HPS5: variants seen among roughly 807,000 people sequenced by gnomAD.
HPS5 encodes HPS5 biogenesis of lysosomal organelles complex 2 subunit 2.
A neutral mutation model predicts 128.0 loss-of-function variants in HPS5; 83 were observed. That is an observed-to-expected ratio of 0.65 (90% CI 0.54 to 0.78). HPS5 has a LOEUF of 0.78. HPS5 is among the 30% of genes least tolerant of loss of function. The pLI is 0.00. For missense variants in HPS5, 1,281 were observed against 1,326.2 expected, an observed-to-expected ratio of 0.97 and a Z score of 0.53; for synonymous variants, 475 against 470.2, an observed-to-expected ratio of 1.01 and a Z score of -0.13.
In HPS5 at chr11:18,322,079, C is replaced by G. The variant is rs1035039317; in HGVS notation, c.-183G>C. 6.6e-6 allele frequency: 1 copy of G among 152,484 alleles called. No homozygotes were observed. 9.4% of individuals were successfully genotyped at this position (152,484 alleles called of 1,614,324 possible). A position where few individuals can be genotyped will look rare whatever the true frequency, so the allele number is the denominator to read the frequency against. On this transcript the variant is annotated 5_prime_UTR_variant, in exon 1 of 23. Coordinates refer to ENST00000349215, the MANE Select transcript of HPS5 (RefSeq NM_181507.2). The stretch of plus-strand genomic sequence containing the variant: ...CTCCACCACATCCAGGGCAGTACCT[C>G]GCAGCTCTCAGTAGATCGGATCTTG...
intron 21 of HPS5, among the ~76,000 whole-genome samples, chr11:18,283,053 G>C (rs541672578): frequency 1.1e-3 from 172 of 152,278 alleles, no homozygotes; most frequent in Non-Finnish European, 1.9e-3. Flanking sequence ...CCAAGCTGGA[G>C]TGCAGTGGTG....
intron 15 of HPS5, 26 bp downstream of exon 15, chr11:18,292,873 C>CTA: frequency 6.4e-7 from 1 of 1,556,546 alleles, no homozygotes; most frequent in Non-Finnish European, 8.9e-7. Context: ...TGAGACGTCA[C>CTA]TATAAAAGTT....
At position 18,298,881 on chromosome 11, in the gene HPS5, G is replaced by C. The variant is rs143073506; in HGVS notation, c.1075C>G (p.Arg359Gly). 7 of 1,614,010 alleles carry C rather than the reference G, an allele frequency of 4.3e-6. No individual in the cohort carries two copies. Among genetic ancestry groups the C allele is most frequent in the South Asian group, 2.2e-5 (2 of 91,082 alleles). ...CTTCTTAGCAGGCGTTCCACACAGCGCTCCACAGATATCAGGGAGAGATGT... is the reference window on the plus strand; with the variant it reads ...CTTCTTAGCAGGCGTTCCACACAGCCCTCCACAGATATCAGGGAGAGATGT... ...VSHLSLISVERCVERLLRRGL... is the reference protein window; with the variant it reads ...VSHLSLISVEGCVERLLRRGL... Residue 359 changes from arginine to glycine, a missense_variant, in exon 10 of 23, where the codon CGC becomes GGC. Physicochemically the swap from Arg to Gly is moderately radical, Grantham distance 125. Coordinates refer to ENST00000349215, the MANE Select transcript of HPS5 (RefSeq NM_181507.2).
intron 11 of HPS5, 89 bp downstream of exon 11, chr11:18,297,470 A>C: frequency 1.7e-5 from 21 of 1,203,512 alleles, no homozygotes; most frequent in Non-Finnish European, 2.4e-5. Context: ...GGAAAGGACA[A>C]CAAATTTGGG....
intron 7 of HPS5, 44 bp downstream of exon 7, chr11:18,306,091 T>C (rs1471763038): frequency 1.5e-6 from 2 of 1,305,516 alleles, no homozygotes; most frequent in Non-Finnish European, 2.2e-6. Context: ...AACCTCTATA[T>C]AGAAGCTCTT....
Position 18,291,992 on chromosome 11 carries a change from T to G in HPS5, c.1890A>C (p.Leu630Phe). Reference sequence around the variant, plus strand: ...CCATTCTCAGAGACTCGGATTCAAATAAAACCAGAGGGTCCTGTAGCTTGG... The same window carrying G: ...CCATTCTCAGAGACTCGGATTCAAAGAAAACCAGAGGGTCCTGTAGCTTGG... The part of the protein sequence containing the change: ...AMTKLQDPLV[L>F]FESESLRMVL... The change falls in exon 16 of 23, where the codon TTA becomes TTC. Residue 630 changes from leucine to phenylalanine, a missense_variant. By Grantham distance (22) the Leu-to-Phe change is conservative. Coordinates refer to ENST00000349215, the MANE Select transcript of HPS5 (RefSeq NM_181507.2). The G allele has an allele frequency of 6.2e-7, 1 of 1,613,834 alleles. No individual in the cohort carries two copies. The highest frequency in any genetic ancestry group is 2.2e-5 in the East Asian group (1 of 44,866).
Position 18,297,869 on chromosome 11 carries a change from C to T in HPS5, c.1165-152G>A, listed in dbSNP as rs1861261893. 4 of 702,762 alleles carry T rather than the reference C, an allele frequency of 5.7e-6. No homozygotes were observed. In the Admixed American group the frequency reaches 9.0e-5, roughly 16 times the overall value. 43.5% of individuals were successfully genotyped at this position (702,762 alleles called of 1,614,324 possible). On this transcript the variant is annotated intron_variant, in intron 10 of 22. Transcript: ENST00000349215. ...CCGAGGCGGGCAGATCCCCCGAGGT[C>T]AGGAGTTCAAGACAAGCCTGGCCAA...
At chr11:18,313,833 G>C (rs1367513022) in intron 2 of HPS5, among the ~76,000 whole-genome samples, 1 of 149,630 alleles carries the variant, frequency 6.7e-6, no homozygotes, top group African/African-American at 2.4e-5. Flanking sequence ...AGAATCACTT[G>C]AACCCAGGAA....
rs73430865 is a variant in HPS5 at position 18,294,873 on chromosome 11, T to C, written c.1784+147A>G. On this transcript the variant is annotated intron_variant, in intron 14 of 22. Coordinates refer to ENST00000349215, the MANE Select transcript of HPS5 (RefSeq NM_181507.2). ...AAAAAACTCATGTTTTCAGAAACTT[T>C]ACAAATTTGTGTTGGGCCACGTTCA... 92,286 of 762,242 alleles carry C rather than the reference T, an allele frequency of 0.12. 6,279 individuals carry two copies. Among genetic ancestry groups the C allele is most frequent in the African/African-American group, 0.19 (10,755 of 57,014 alleles). 47.2% of individuals were successfully genotyped at this position (762,242 alleles called of 1,614,324 possible).
intron 1 of HPS5, among the ~76,000 whole-genome samples, chr11:18,321,201 G>A (rs1864279124): frequency 6.6e-6 from 1 of 152,148 alleles, no homozygotes; most frequent in South Asian, 2.1e-4. Flanking sequence ...TCTATTTCTT[G>A]AAAATCTGTT....
At chr11:18,283,048 C>A (rs1859216805) in intron 21 of HPS5, among the ~76,000 whole-genome samples, 1 of 152,182 alleles carries the variant, frequency 6.6e-6, no homozygotes, top group Non-Finnish European at 1.5e-5. Context: ...GTTGCCCAAG[C>A]TGGAGTGCAG....
At chr11:18,296,737 A>C in intron 12 of HPS5, 61 bp downstream of exon 12, 1 of 1,419,040 alleles carries the variant, frequency 7.0e-7, no homozygotes, top group Non-Finnish European at 1.0e-6. Flanking sequence ...AATCCTGGTA[A>C]CAGGAGCTCG....
At position 18,296,036 on chromosome 11, in the gene HPS5, G is replaced by C. The variant is rs1304804916; in HGVS notation, c.1597C>G (p.Pro533Ala). 2 of 1,613,706 alleles carry C rather than the reference G, an allele frequency of 1.2e-6. No homozygotes were observed. Among genetic ancestry groups the C allele is most frequent in the Non-Finnish European group, 1.7e-6 (2 of 1,179,716 alleles). The stretch of plus-strand genomic sequence containing the variant: ...GCCTGAAGAGACACAAGAGGAGATG[G>C]AGAACGAAATGGTAATGGAATGCCG... ...PFGIPLPFRS[P>A]SPLVSLQAVK... Residue 533 changes from proline (P) to alanine (A), a missense_variant, in exon 13 of 23, where the codon CCA (proline) becomes GCA (alanine). Coordinates refer to ENST00000349215, the MANE Select transcript of HPS5 (RefSeq NM_181507.2).
rs1010724201 is a variant in HPS5 at position 18,298,860 on chromosome 11, T to A, written c.1096A>T (p.Arg366Ter). The A allele has an allele frequency of 6.2e-7, 1 of 1,614,086 alleles. No individual in the cohort carries two copies. Among genetic ancestry groups the A allele is most frequent in the African/African-American group, 1.3e-5 (1 of 74,934 alleles). ...GCAGCCAAGTTCCATAGGCCTCTTC[T>A]TAGCAGGCGTTCCACACAGCGCTCC... ...SVERCVERLL[R>*]RGLWNLAART... Residue 366 changes from arginine to a stop codon, truncating the protein, a stop_gained, in exon 10 of 23, where the codon AGA (arginine) becomes TGA (stop). Transcript: ENST00000349215. LOFTEE classifies it high-confidence loss of function.
chr11:18,298,790 ACT>A lies in HPS5; in HGVS notation c.1164_1164+1del. On this transcript the variant is annotated splice_donor_variant and coding_sequence_variant, in exon 10 of 23. Coordinates refer to ENST00000349215, the MANE Select transcript of HPS5 (RefSeq NM_181507.2). LOFTEE classifies it high-confidence loss of function. ...AAGATGTCTAGGTAAGCTCTGACTC[ACT>A]CTGCTGGCAATGACAGAATTTTGGA... 1 of 1,613,966 alleles carries A rather than the reference ACT, an allele frequency of 6.2e-7. No homozygotes were observed. The highest frequency in any genetic ancestry group is 8.5e-7 in the Non-Finnish European group (1 of 1,179,874).
intron 15 of HPS5, 64 bp from the exon 16 acceptor site, chr11:18,292,083 A>G (rs1860476155): frequency 1.6e-6 from 2 of 1,257,722 alleles, no homozygotes; most frequent in African/African-American, 2.9e-5. Context: ...AAATTAATTC[A>G]TGCTAATAAA....
At position 18,300,863 on chromosome 11, in the gene HPS5, T is replaced by C; in HGVS notation, c.950A>G (p.Gln317Arg). The C allele has an allele frequency of 6.3e-7, 1 of 1,598,730 alleles. No homozygotes were observed. Among genetic ancestry groups the C allele is most frequent in the Non-Finnish European group, 8.6e-7 (1 of 1,166,020 alleles). The change falls in exon 9 of 23, where the codon CAG (glutamine) becomes CGG (arginine). Residue 317 changes from glutamine to arginine, a missense_variant. By Grantham distance (43) the Gln-to-Arg change is conservative. Transcript: ENST00000349215. Reference sequence around the variant, plus strand: ...ACTCCAAAGAAGAACTTGAACATTCTGAGGAATGAAAATATAAATTCCTCT... The same window carrying C: ...ACTCCAAAGAAGAACTTGAACATTCCGAGGAATGAAAATATAAATTCCTCT... ...TERGIYIFIP[Q>R]NVQVLLWSEV...
rs1221147175 is a variant in HPS5 at position 18,295,003 on chromosome 11, T to C, written c.1784+17A>G. 1.9e-6 allele frequency: 3 copies of C among 1,613,676 alleles called. No individual in the cohort carries two copies. In the African/African-American group the frequency reaches 4.0e-5, roughly 22 times the overall value. On this transcript the variant is annotated intron_variant, in intron 14 of 22. Coordinates refer to ENST00000349215, the MANE Select transcript of HPS5 (RefSeq NM_181507.2). ...GGATTCCCTAGAATGTATAGAGATT[T>C]ATGTGTAAGGGCTTACTCAGTGTCT...
At position 18,287,707 on chromosome 11, in the gene HPS5, A is replaced by C. The variant is rs2134250495; in HGVS notation, c.2562-17T>G. 1 of 1,613,784 alleles carries C rather than the reference A, an allele frequency of 6.2e-7. No homozygotes were observed. Reference sequence around the variant, plus strand: ...TCATACAACCTGCATTTAAAAACAAAACACTTTAGTCTCTAATTTCAGTGA... The same window carrying C: ...TCATACAACCTGCATTTAAAAACAACACACTTTAGTCTCTAATTTCAGTGA... On this transcript the variant is annotated splice_polypyrimidine_tract_variant and intron_variant, in intron 17 of 22. Coordinates refer to ENST00000349215, the MANE Select transcript of HPS5 (RefSeq NM_181507.2).
Sources: allele counts gnomAD v4.1 joint callset (sites outside exome capture counted in the v4.1 genomes callset), GRCh38; gene constraint gnomAD v4.1.1; transcripts MANE v1.5; gene names NCBI Gene and HGNC (gene_info 2026-07-23, HGNC 2026-07-21).